Variants in PLSCR4 observed in about 807,000 individuals in gnomAD.
The protein encoded by PLSCR4 is Ca(2+)-dependent phospholipid scramblase 4.
In PLSCR4, 25 loss-of-function variants were observed where a neutral mutation model predicts 36.3. That is an observed-to-expected ratio of 0.69 (90% CI 0.50 to 0.96). PLSCR4 has a LOEUF of 0.96. Ranked by LOEUF, PLSCR4 falls within the 40% of genes least tolerant of loss-of-function variation. The pLI is 0.00. For missense variants in PLSCR4, 408 were observed against 414.7 expected (o/e 0.98, Z 0.14); for synonymous variants, 122 against 132.9 (o/e 0.92, Z 0.56).
At position 146,199,810 on chromosome 3, in the gene PLSCR4, G is replaced by A; in HGVS notation, c.624+3C>T. On this transcript the variant is annotated splice_donor_region_variant and intron_variant, in intron 6 of 8. Coordinates refer to ENST00000354952, the MANE Select transcript of PLSCR4 (RefSeq NM_020353.3). ...GCTGTGGATCAGACTTCCATTCTCTGACCTCTTGTCTGGCAGAGGGGCAAC... is the reference window on the plus strand; with the variant it reads ...GCTGTGGATCAGACTTCCATTCTCTAACCTCTTGTCTGGCAGAGGGGCAAC... 1 of 1,608,138 alleles carries A rather than the reference G, an allele frequency of 6.2e-7. No individual in the cohort carries two copies. The highest frequency in any genetic ancestry group is 8.5e-7 in the Non-Finnish European group (1 of 1,175,196).
intron 3 of PLSCR4, among the ~76,000 whole-genome samples, chr3:146,212,834 T>C (rs2034692915): frequency 6.6e-6 from 1 of 152,176 alleles, no homozygotes; most frequent in Non-Finnish European, 1.5e-5. Flanking sequence ...CTCCTAAACA[T>C]AATGTTTGGT....
chr3:146,221,904 C>T (rs3804648), intron 2 of PLSCR4, among the ~76,000 whole-genome samples, 161 bp downstream of exon 2: 109,314 of 151,576 alleles, frequency 0.72, 39,967 homozygotes, highest in South Asian at 0.81. Context: ...ACATAAATAA[C>T]AAATATATAC....
intron 1 of PLSCR4, among the ~76,000 whole-genome samples, chr3:146,244,620 T>C (rs2036274073): frequency 6.7e-6 from 1 of 148,554 alleles, no homozygotes; most frequent in Non-Finnish European, 1.5e-5. Flanking sequence ...TATAAGATGG[T>C]GAACTTAGTA....
intron 3 of PLSCR4, among the ~76,000 whole-genome samples, chr3:146,213,872 G>A (rs564431622): frequency 6.6e-6 from 1 of 152,018 alleles, no homozygotes; most frequent in East Asian, 1.9e-4. Flanking sequence ...TATGGTAAAA[G>A]CCTCACTTTC....
At chr3:146,219,685 G>A (rs2035052257) in intron 3 of PLSCR4, among the ~76,000 whole-genome samples, 1 of 152,088 alleles carries the variant, frequency 6.6e-6, no homozygotes, top group South Asian at 2.1e-4. Context: ...GGGACACTGA[G>A]GCAGGTGGAT....
At chr3:146,194,966 G>C (rs571622964) in intron 8 of PLSCR4, among the ~76,000 whole-genome samples, 158 bp downstream of exon 8, 13 of 152,256 alleles carry the variant, frequency 8.5e-5, no homozygotes, top group African/African-American at 3.1e-4. Context: ...TGAGGAAACT[G>C]AGGCTTTCAA....
At chr3:146,197,218 A>G (rs1174429850) in intron 6 of PLSCR4, among the ~76,000 whole-genome samples, 1 of 152,174 alleles carries the variant, frequency 6.6e-6, no homozygotes. Flanking sequence ...GCTTGGTTTC[A>G]AGGCTTACTG....
chr3:146,222,223 TAAAA>T, intron 1 of PLSCR4, 131 bp from the exon 2 acceptor site: 1 of 385,654 alleles, frequency 2.6e-6, no homozygotes, highest in Non-Finnish European at 4.8e-6. Context: ...CTTCATTAAT[TAAAA>T]AAATACTTAT....
At chr3:146,214,557 TG>T (rs1310545510) in intron 3 of PLSCR4, among the ~76,000 whole-genome samples, 6 of 152,118 alleles carry the variant, frequency 3.9e-5, no homozygotes, top group African/African-American at 9.7e-5. Context: ...CTGTGTGTGA[TG>T]TTTTTTTTGC....
chr3:146,229,179 T>C (rs1366202280), intron 1 of PLSCR4, among the ~76,000 whole-genome samples: 1 of 152,226 alleles, frequency 6.6e-6, no homozygotes. Context: ...AATTTGCAAG[T>C]AATAGCAGTG....
intron 1 of PLSCR4, among the ~76,000 whole-genome samples, chr3:146,236,972 G>C (rs1174909727): frequency 6.6e-6 from 1 of 151,908 alleles, no homozygotes; most frequent in South Asian, 2.1e-4. Flanking sequence ...TACCTTACCA[G>C]TAATTACCTT....
At chr3:146,214,868 G>T (rs769043716) in intron 3 of PLSCR4, among the ~76,000 whole-genome samples, 1 of 151,950 alleles carries the variant, frequency 6.6e-6, no homozygotes, top group African/African-American at 2.4e-5. Flanking sequence ...TGTAAGTGGG[G>T]TATAACAGTC....
At chr3:146,236,335 T>G (rs150395865) in intron 1 of PLSCR4, among the ~76,000 whole-genome samples, 120 of 152,274 alleles carry the variant, frequency 7.9e-4, no homozygotes, top group African/African-American at 2.7e-3. Flanking sequence ...AATTCAAACA[T>G]ATCAATATTT....
intron 1 of PLSCR4, among the ~76,000 whole-genome samples, chr3:146,238,519 GTAATAAAA>G (rs1294719117): frequency 6.6e-6 from 1 of 151,832 alleles, no homozygotes; most frequent in Non-Finnish European, 1.5e-5. Context: ...ATATATCATG[GTAATAAAA>G]TAAAGGACAA....
In PLSCR4 at chr3:146,196,584, AAT is replaced by A. The variant is rs757360807; in HGVS notation, c.786+46_786+47del. The A allele has an allele frequency of 3.8e-6, 6 of 1,566,954 alleles. No homozygotes were observed. The South Asian group carries it at 5.6e-5, about 15-fold the overall frequency. On this transcript the variant is annotated intron_variant, in intron 7 of 8. Coordinates refer to ENST00000354952, the MANE Select transcript of PLSCR4 (RefSeq NM_020353.3). ...CAACCAGATCTTTCCATGGTCTGTTAATATGAGTAGGAAAAATATCAGAAACA... is the reference window on the plus strand; with the variant it reads ...CAACCAGATCTTTCCATGGTCTGTTAATGAGTAGGAAAAATATCAGAAACA...
chr3:146,221,782 C>T (rs1559915078), intron 2 of PLSCR4, among the ~76,000 whole-genome samples: 1 of 152,018 alleles, frequency 6.6e-6, no homozygotes, highest in African/African-American at 2.4e-5. Flanking sequence ...GCAAATCTTG[C>T]TTTTTTTATT....
At chr3:146,217,564 T>A (rs2034953057) in intron 3 of PLSCR4, among the ~76,000 whole-genome samples, 1 of 152,216 alleles carries the variant, frequency 6.6e-6, no homozygotes, top group Admixed American at 6.5e-5. Context: ...AGGGTCTGGC[T>A]AGAAGGCAAG....
At chr3:146,249,123 G>C (rs7634568) in intron 1 of PLSCR4, among the ~76,000 whole-genome samples, 117,983 of 151,916 alleles carry the variant, frequency 0.78, 46,896 homozygotes, top group Non-Finnish European at 0.86. Context: ...AACAATGTCC[G>C]CAGTTTGTAT....
intron 1 of PLSCR4, among the ~76,000 whole-genome samples, chr3:146,243,539 G>A (rs2036235849): frequency 1.3e-5 from 2 of 152,142 alleles, no homozygotes; most frequent in South Asian, 4.1e-4. Flanking sequence ...AATCTGAAAT[G>A]CTCAAAAATC....
Sources: gnomAD v4.1 joint callset for allele counts (sites outside exome capture counted in the v4.1 genomes callset) on GRCh38, gnomAD v4.1.1 for gene constraint, MANE v1.5 for transcripts, NCBI Gene and HGNC (gene_info 2026-07-23, HGNC 2026-07-21) for gene names.